Variants in TRAPPC9 observed in about 807,000 individuals in gnomAD.
TRAPPC9 encodes the protein IKK2 binding protein.
Under a neutral mutation model 124.0 loss-of-function variants are expected in TRAPPC9, and 83 were observed. The ratio of observed to expected loss-of-function variants is 0.67; its 90% CI spans 0.56 to 0.80. The LOEUF (loss-of-function observed/expected upper bound fraction) is 0.80, where lower values mean the gene tolerates loss of function less well. TRAPPC9 is among the 30% of genes least tolerant of loss of function. TRAPPC9 has a pLI of 0.00. For synonymous variants in TRAPPC9, 638 were observed against 617.5 expected, an observed-to-expected ratio of 1.03 and a Z score of -0.49; for missense variants, 1,302 against 1,508.3, an observed-to-expected ratio of 0.86 and a Z score of 2.27.
intron 9 of TRAPPC9, 100 bp from the exon 10 acceptor site, chr8:140,311,474 C>T: frequency 7.1e-7 from 1 of 1,405,886 alleles, no homozygotes; most frequent in Non-Finnish European, 9.9e-7. Context: ...CCAGTGAGTC[C>T]AATCTTCTGA....
In TRAPPC9 at chr8:140,024,235, C is replaced by T. The variant is rs572787993; in HGVS notation, c.2557-156G>A. On this transcript the variant is annotated intron_variant, in intron 17 of 22. Transcript: ENST00000438773. Reference sequence around the variant, plus strand: ...GCCGACTCACAACCCCGGCGGGTACCGACTCACACCCCCGGCGGGGACCGA... The same window carrying T: ...GCCGACTCACAACCCCGGCGGGTACTGACTCACACCCCCGGCGGGGACCGA... 9.9e-5 allele frequency among the ~76,000 whole-genome samples: 15 copies of T among 151,924 alleles called. 1 individual carries two copies. Among genetic ancestry groups the T allele is most frequent in the Non-Finnish European group, 1.9e-4 (13 of 67,974 alleles).
chr8:139,819,987 G>T (rs1230095872), intron 21 of TRAPPC9, among the ~76,000 whole-genome samples: 1 of 113,002 alleles, frequency 8.8e-6, no homozygotes, highest in Non-Finnish European at 1.7e-5. Flanking sequence ...CAGCCTGGGC[G>T]ACAGAGTAAG....
intron 18 of TRAPPC9, among the ~76,000 whole-genome samples, chr8:139,989,250 C>T (rs1837468617): frequency 6.6e-6 from 1 of 152,240 alleles, no homozygotes; most frequent in African/African-American, 2.4e-5. Flanking sequence ...TCCAAGCCAG[C>T]ATCTTCAGCT....
At chr8:140,033,658 G>GTTTTTTTTTTTTTTTT (rs776155126) in intron 17 of TRAPPC9, among the ~76,000 whole-genome samples, 4 of 42,398 alleles carry the variant, frequency 9.4e-5, no homozygotes, top group Non-Finnish European at 1.7e-4. Flanking sequence ...TCATAATGTG[G>GTTTTTTTTTTTTTTTT]TTTTTTTTTT....
At chr8:140,365,042 G>A (rs1023468649) in intron 8 of TRAPPC9, among the ~76,000 whole-genome samples, 5 of 151,260 alleles carry the variant, frequency 3.3e-5, no homozygotes, top group African/African-American at 1.2e-4. Context: ...AGCCAGGGAG[G>A]GACAGGCCTT....
intron 21 of TRAPPC9, among the ~76,000 whole-genome samples, chr8:139,763,630 G>A (rs1820383642): frequency 1.3e-5 from 2 of 151,576 alleles, no homozygotes; most frequent in African/African-American, 2.4e-5. Flanking sequence ...ACACACACAC[G>A]TGCACACATG....
intron 1 of TRAPPC9, among the ~76,000 whole-genome samples, chr8:140,452,635 T>C (rs2071506979): frequency 6.6e-6 from 1 of 152,130 alleles, no homozygotes; most frequent in Non-Finnish European, 1.5e-5. Flanking sequence ...CGTTATTACC[T>C]GATTCCCCAG....
At chr8:140,307,793 C>G (rs952450550) in intron 10 of TRAPPC9, among the ~76,000 whole-genome samples, 24 of 152,216 alleles carry the variant, frequency 1.6e-4, no homozygotes, top group Non-Finnish European at 2.2e-4. Context: ...CATCTCTAGA[C>G]CTGCCCTGTC....
chr8:140,146,496 T>C (rs990089523), intron 17 of TRAPPC9, among the ~76,000 whole-genome samples: 3 of 152,238 alleles, frequency 2.0e-5, no homozygotes, highest in Non-Finnish European at 2.9e-5. Context: ...ATGCATGTGA[T>C]TGTGTGCATA....
chr8:139,912,921 T>G (rs192020496), intron 19 of TRAPPC9, among the ~76,000 whole-genome samples: 2 of 152,302 alleles, frequency 1.3e-5, no homozygotes, highest in Admixed American at 1.3e-4. Context: ...TCAGAATATT[T>G]CCTAAGTTTC....
chr8:140,115,295 T>TGCAGTC (rs1369086517), intron 17 of TRAPPC9, among the ~76,000 whole-genome samples: 1 of 148,942 alleles, frequency 6.7e-6, no homozygotes, highest in African/African-American at 2.5e-5. Flanking sequence ...TTAGATGGAG[T>TGCAGTC]CTTGCTCTGT....
chr8:139,866,072 T>C (rs1828513437), intron 21 of TRAPPC9, among the ~76,000 whole-genome samples: 1 of 149,564 alleles, frequency 6.7e-6, no homozygotes, highest in Non-Finnish European at 1.5e-5. Context: ...TGACAATTGG[T>C]TGAGTTTGGC....
chr8:140,195,568 C>A (rs1332013439), intron 17 of TRAPPC9, among the ~76,000 whole-genome samples: 2 of 151,382 alleles, frequency 1.3e-5, no homozygotes, highest in East Asian at 1.9e-4. Context: ...ACACACTCAA[C>A]TATCCACTGT....
chr8:139,873,079 G>A (rs558192955), intron 21 of TRAPPC9, among the ~76,000 whole-genome samples: 61 of 152,234 alleles, frequency 4.0e-4, no homozygotes, highest in African/African-American at 1.4e-3. Context: ...TAAATAGTTG[G>A]ATGGATGAGT....
At chr8:139,947,897 T>A (rs1563944098) in intron 19 of TRAPPC9, among the ~76,000 whole-genome samples, 1 of 41,118 alleles carries the variant, frequency 2.4e-5, no homozygotes, top group Admixed American at 2.5e-4. Context: ...TATGTGTGTA[T>A]ATATATATAT....
At position 140,165,638 on chromosome 8, in the gene TRAPPC9, G is replaced by A. The variant is rs369366020; in HGVS notation, c.2556+55821C>T. On this transcript the variant is annotated intron_variant, in intron 17 of 22. Coordinates refer to ENST00000438773, the MANE Select transcript of TRAPPC9 (RefSeq NM_001160372.4). ...AGGAGGGAAGGGAAGCAAAGGGGAG[G>A]GGGGGATGCGGGGAAGGAGGGAAGG... is the stretch of plus-strand genomic sequence containing the variant. 3.4e-3 allele frequency among the ~76,000 whole-genome samples: 480 copies of A among 139,266 alleles called. 5 individuals are homozygous for A. The highest frequency in any genetic ancestry group is 0.012 in the African/African-American group (452 of 36,476). The allele number at this position is 139,266 out of a possible 152,430, so 91.4% of individuals were successfully genotyped here.
chr8:140,255,776 T>C (rs112493378), intron 15 of TRAPPC9, among the ~76,000 whole-genome samples: 1,895 of 152,230 alleles, frequency 0.012, 26 homozygotes, highest in African/African-American at 0.043. Flanking sequence ...GTCCTGGCTA[T>C]TCAGGAGCCC....
intron 17 of TRAPPC9, among the ~76,000 whole-genome samples, chr8:140,073,376 A>C (rs1223173700): frequency 1.3e-5 from 2 of 152,244 alleles, no homozygotes; most frequent in African/African-American, 4.8e-5. Context: ...TTGAGCAATA[A>C]AAAGAAATGA....
At chr8:140,002,078 C>T (rs1838436255) in intron 18 of TRAPPC9, among the ~76,000 whole-genome samples, 1 of 150,912 alleles carries the variant, frequency 6.6e-6, no homozygotes, top group African/African-American at 2.4e-5. Context: ...CTTCTCAGAA[C>T]ATTTTATGAG....
Sources: allele counts gnomAD v4.1 joint callset (sites outside exome capture counted in the v4.1 genomes callset), GRCh38; gene constraint gnomAD v4.1.1; transcripts MANE v1.5; gene names NCBI Gene and HGNC (gene_info 2026-07-23, HGNC 2026-07-21).